Variants in APPL2 observed in about 807,000 individuals in gnomAD.
APPL2 encodes adaptor protein, phosphotyrosine interacting with PH domain and leucine zipper 2, also known as DCC-interacting protein 13-beta.
A neutral mutation model predicts 92.7 loss-of-function variants in APPL2; 84 were observed. The ratio of observed to expected loss-of-function variants is 0.91; its 90% CI spans 0.76 to 1.09. The LOEUF (loss-of-function observed/expected upper bound fraction) is 1.09. Ranked by LOEUF, APPL2 falls within the 50% of genes least tolerant of loss-of-function variation. APPL2 has a pLI of 0.00. For missense variants in APPL2, 736 were observed against 824.5 expected, an observed-to-expected ratio of 0.89 and a Z score of 1.31; for synonymous variants, 291 against 291.0, an observed-to-expected ratio of 1.00 and a Z score of 0.00.
At chr12:105,193,955 C>A (rs572972965) in intron 14 of APPL2, among the ~76,000 whole-genome samples, 1 of 152,322 alleles carries the variant, frequency 6.6e-6, no homozygotes, top group African/African-American at 2.4e-5. Context: ...CAGGTCTTTC[C>A]AGTTAGACTC....
intron 1 of APPL2, chr12:105,229,873 G>A: frequency 3.6e-6 from 2 of 553,982 alleles, no homozygotes; most frequent in African/African-American, 4.1e-5. Flanking sequence ...CTGCTTCCCG[G>A]GCTCAAGGGA....
At chr12:105,184,176 T>A (rs938110275) in intron 17 of APPL2, among the ~76,000 whole-genome samples, 1 of 152,232 alleles carries the variant, frequency 6.6e-6, no homozygotes, top group African/African-American at 2.4e-5. Context: ...TTATCCAGAT[T>A]CTTAGCTTCC....
intron 1 of APPL2, chr12:105,233,200 T>G (rs527980849): frequency 1.2e-3 from 1,215 of 985,470 alleles, no homozygotes; most frequent in Non-Finnish European, 1.4e-3. Flanking sequence ...TGCCTCATTA[T>G]CTGTCTCTGG....
intron 9 of APPL2, among the ~76,000 whole-genome samples, chr12:105,200,371 A>C (rs538475822): frequency 6.6e-6 from 1 of 152,344 alleles, no homozygotes; most frequent in Admixed American, 6.5e-5. Flanking sequence ...GCAACAACAA[A>C]GCCAAAGGCA....
At position 105,189,777 on chromosome 12, in the gene APPL2, G is replaced by A; in HGVS notation, c.1454C>T (p.Ala485Val). 1 of 1,614,144 alleles carries A rather than the reference G, an allele frequency of 6.2e-7. No individual in the cohort carries two copies. The highest frequency in any genetic ancestry group is 8.5e-7 in the Non-Finnish European group (1 of 1,180,010). ...GETEDESFPE[A>V]EDSLLQQMFI... is the part of the protein sequence containing the mutation. Reference sequence around the variant, plus strand: ...ACACCAAACTAGTCACTTACCTTCTGCTTCTGGAAATGATTCATCCTCAGT... The same window carrying A: ...ACACCAAACTAGTCACTTACCTTCTACTTCTGGAAATGATTCATCCTCAGT... The change falls in exon 16 of 21, where the codon GCA (alanine) becomes GTA (valine). Residue 485 changes from alanine to valine, a missense_variant. By Grantham distance (64) the Ala-to-Val change is moderately conservative. Coordinates refer to ENST00000258530, the MANE Select transcript of APPL2 (RefSeq NM_018171.5).
intron 17 of APPL2, among the ~76,000 whole-genome samples, chr12:105,187,125 G>T (rs571283587): frequency 6.6e-6 from 1 of 152,086 alleles, no homozygotes; most frequent in Non-Finnish European, 1.5e-5. Context: ...GGACCAATAG[G>T]ATTATAAGAA....
At chr12:105,194,440 C>G (rs1327555551) in intron 14 of APPL2, among the ~76,000 whole-genome samples, 3 of 152,148 alleles carry the variant, frequency 2.0e-5, no homozygotes. Flanking sequence ...CCTGTAATCC[C>G]AGCACTTTGG....
Position 105,225,050 on chromosome 12 carries a change from C to T in APPL2, c.153+4075G>A, listed in dbSNP as rs531967513. Among the ~76,000 whole-genome samples, 32 of 148,026 alleles carry T rather than the reference C, an allele frequency of 2.2e-4. No homozygotes were observed. The East Asian group carries it at 4.2e-3, about 19-fold the overall frequency. ...GTATTCTGAAAGCTTTGGTTAAGAACGACTGCAGACATGTAACTGTTAAAT... is the reference window on the plus strand; with the variant it reads ...GTATTCTGAAAGCTTTGGTTAAGAATGACTGCAGACATGTAACTGTTAAAT... On this transcript the variant is annotated intron_variant, in intron 2 of 20. Coordinates refer to ENST00000258530, the MANE Select transcript of APPL2 (RefSeq NM_018171.5).
intron 2 of APPL2, among the ~76,000 whole-genome samples, chr12:105,219,033 G>T (rs1889906807): frequency 6.6e-6 from 1 of 152,230 alleles, no homozygotes. Context: ...TAAAGCTTAA[G>T]ATTCAGGGTT....
chr12:105,213,206 A>G (rs1889368544), intron 4 of APPL2, among the ~76,000 whole-genome samples: 1 of 152,212 alleles, frequency 6.6e-6, no homozygotes, highest in Non-Finnish European at 1.5e-5. Flanking sequence ...CACTACAGAA[A>G]TGGTACATTT....
intron 17 of APPL2, among the ~76,000 whole-genome samples, chr12:105,179,125 A>G (rs1885857975): frequency 6.6e-6 from 1 of 152,030 alleles, no homozygotes; most frequent in Admixed American, 6.6e-5. Flanking sequence ...TCCTAATGCT[A>G]TCCCTCCCCT....
rs759330606 is a variant in APPL2, at chr12:105,174,330, G to T, written c.1979C>A (p.Ala660Glu). Residue 660 changes from alanine (A) to glutamate (E), a missense_variant, in exon 21 of 21, where the codon GCA becomes GAA. Ala to Glu is a moderately radical substitution (Grantham distance 107). Transcript: ENST00000258530. ...DDGNPNEHRG[A>E]ESEA is the part of the protein sequence containing the mutation. ...GCAAGTGAGTTATGCTTCGGATTCT[G>T]CGCCTCTATGTTCGTTTGGATTTCC... 1.9e-6 allele frequency: 3 copies of T among 1,613,672 alleles called. No homozygotes were observed. The East Asian group carries it at 6.7e-5, about 36-fold the overall frequency.
chr12:105,183,375 G>GT (rs1450919015), intron 17 of APPL2, among the ~76,000 whole-genome samples: 1 of 152,188 alleles, frequency 6.6e-6, no homozygotes, highest in Admixed American at 6.5e-5. Flanking sequence ...ATTTTGGTAT[G>GT]TTTTTGCAGT....
chr12:105,230,498 A>C (rs142531722), intron 1 of APPL2, among the ~76,000 whole-genome samples: 1 of 152,366 alleles, frequency 6.6e-6, no homozygotes, highest in Non-Finnish European at 1.5e-5. Context: ...AATGAAGAAT[A>C]ATTTCAGGAA....
At position 105,188,562 on chromosome 12, in the gene APPL2, A is replaced by G. The variant is rs900374435; in HGVS notation, c.1460-115T>C. On this transcript the variant is annotated intron_variant, in intron 16 of 20. Coordinates refer to ENST00000258530, the MANE Select transcript of APPL2 (RefSeq NM_018171.5). ...CTTTCTGTGGAGGACTTTCTACCAA[A>G]ATTTCTCAATACCACTTTTATAAGC... The G allele has an allele frequency of 1.7e-5, 17 of 1,001,410 alleles. No homozygotes were observed. In the Admixed American group the frequency reaches 1.8e-4, roughly 11 times the overall value. The allele number at this position is 1,001,410 out of a possible 1,614,324, so 62.0% of individuals were successfully genotyped here.
chr12:105,190,651 C>T (rs1887116508), intron 14 of APPL2, among the ~76,000 whole-genome samples: 1 of 152,156 alleles, frequency 6.6e-6, no homozygotes, highest in Non-Finnish European at 1.5e-5. Context: ...TATCCCAATT[C>T]TGCTGCTCAC....
intron 8 of APPL2, among the ~76,000 whole-genome samples, chr12:105,205,219 C>G (rs1253178572): frequency 6.6e-6 from 1 of 152,184 alleles, no homozygotes; most frequent in Non-Finnish European, 1.5e-5. Context: ...CGGTGCCAGG[C>G]AACAAACTTG....
chr12:105,217,934 C>T (rs768106603), intron 2 of APPL2, among the ~76,000 whole-genome samples: 8 of 152,136 alleles, frequency 5.3e-5, no homozygotes, highest in Non-Finnish European at 1.0e-4. Flanking sequence ...AAAACTCCAT[C>T]TCTGCAAAAT....
chr12:105,209,270 G>C (rs1024849734), intron 5 of APPL2, among the ~76,000 whole-genome samples: 1 of 152,176 alleles, frequency 6.6e-6, no homozygotes, highest in Admixed American at 6.5e-5. Context: ...AATTTGGTCT[G>C]ATGTTGACTC....
Sources: allele counts gnomAD v4.1 joint callset (sites outside exome capture counted in the v4.1 genomes callset), GRCh38; gene constraint gnomAD v4.1.1; transcripts MANE v1.5; gene names NCBI Gene and HGNC (gene_info 2026-07-23, HGNC 2026-07-21).